The following PBK variants were observed in gnomAD, a reference collection of about 807,000 sequenced individuals.
PBK encodes the protein PDZ binding kinase.
PBK carries 22 observed loss-of-function variants against 33.5 expected under a neutral mutation model. That is an observed-to-expected ratio of 0.66 (90% confidence interval 0.47 to 0.94). The LOEUF is 0.94. Ranked by LOEUF, PBK falls within the 40% of genes least tolerant of loss-of-function variation. The pLI, the probability that PBK is intolerant of heterozygous loss-of-function variation, is 0.00. For missense variants in PBK, 376 were observed against 383.4 expected (o/e 0.98, Z 0.16); for synonymous variants, 129 against 123.8 (o/e 1.04, Z -0.28).
At chr8:27,816,181 G>C (rs923195074) in intron 6 of PBK, among the ~76,000 whole-genome samples, 2 of 151,652 alleles carry the variant, frequency 1.3e-5, no homozygotes, top group Admixed American at 6.6e-5. Flanking sequence ...TGTCTCATTA[G>C]TATTCAAAAG....
In PBK at chr8:27,833,063, CT is replaced by C. The variant is rs1563496427; in HGVS notation, c.50del (p.Lys17ArgfsTer11). The C allele has an allele frequency of 4.4e-6, 7 of 1,578,914 alleles. No individual in the cohort carries two copies. Among genetic ancestry groups the C allele is most frequent in the South Asian group, 1.1e-5 (1 of 87,542 alleles). Reference protein sequence around the residue: ...FKTPSKLSEKKKSVLCSTPTI... With the variant: ...FKTPSKLSEKXKSVLCSTPTI... ...TTACATCTGCTATCTTACCAGATTT[CT>C]TTTTTTCTGATAATTTGCTTGGTGT... On this transcript the variant is annotated frameshift_variant, in exon 2 of 8. Coordinates refer to ENST00000301905, the MANE Select transcript of PBK (RefSeq NM_018492.4). LOFTEE classifies it high-confidence loss of function.
chr8:27,817,504 G>C (rs1290306396), intron 6 of PBK, among the ~76,000 whole-genome samples: 1 of 151,268 alleles, frequency 6.6e-6, no homozygotes, highest in Non-Finnish European at 1.5e-5. Context: ...ATTATTAACT[G>C]TTTTTGTTAC....
chr8:27,837,067 C>CAAA (rs35940996), intron 1 of PBK, among the ~76,000 whole-genome samples: 135 of 151,668 alleles, frequency 8.9e-4, no homozygotes, highest in African/African-American at 2.4e-3. Context: ...AAGATGACAG[C>CAAA]AAAAAAAACA....
intron 3 of PBK, among the ~76,000 whole-genome samples, chr8:27,827,279 G>A (rs1806043637): frequency 6.6e-6 from 1 of 152,216 alleles, no homozygotes; most frequent in African/African-American, 2.4e-5. Flanking sequence ...TGGGCATGGT[G>A]GCTTACACCT....
At chr8:27,821,450 T>C (rs9650403) in intron 5 of PBK, among the ~76,000 whole-genome samples, 23,882 of 151,838 alleles carry the variant, frequency 0.16, 2,386 homozygotes, top group East Asian at 0.37. Context: ...TTAGTAGAGA[T>C]GGGGTTTCAC....
At position 27,811,010 on chromosome 8, in the gene PBK, C is replaced by T. The variant is rs770864767; in HGVS notation, c.720G>A (p.Met240Ile). Residue 240 changes from methionine (M) to isoleucine (I), a missense_variant, in exon 7 of 8, where the codon ATG (methionine) becomes ATA (isoleucine). By Grantham distance (10) the Met-to-Ile change is conservative (BLOSUM62 1). Coordinates refer to ENST00000301905, the MANE Select transcript of PBK (RefSeq NM_018492.4). ...TAATGTGTGGAATCGATAAAGTCAT[C>T]ATTTCCCACAAAGTAAGGCCAAAGG... ...IFAFGLTLWE[M>I]MTLSIPHINL... 1.2e-6 allele frequency: 2 copies of T among 1,612,516 alleles called. No homozygotes were observed. The highest frequency in any genetic ancestry group is 2.7e-5 in the African/African-American group (2 of 74,898).
chr8:27,826,382 AAAT>A (rs1403741717), intron 3 of PBK, among the ~76,000 whole-genome samples: 5 of 152,212 alleles, frequency 3.3e-5, no homozygotes, highest in Non-Finnish European at 1.5e-5. Flanking sequence ...GTAAATCAAG[AAAT>A]AATAAGACAC....
intron 6 of PBK, among the ~76,000 whole-genome samples, chr8:27,811,638 C>T (rs1232051888): frequency 6.6e-6 from 1 of 152,204 alleles, no homozygotes; most frequent in Non-Finnish European, 1.5e-5. Flanking sequence ...GGTCCACTCA[C>T]ATTTCCATTT....
At chr8:27,824,140 A>G (rs1174384775) in intron 3 of PBK, among the ~76,000 whole-genome samples, 1 of 152,170 alleles carries the variant, frequency 6.6e-6, no homozygotes, top group East Asian at 1.9e-4. Flanking sequence ...ATCATCCGTA[A>G]GTTGATCTAA....
intron 1 of PBK, among the ~76,000 whole-genome samples, 169 bp downstream of exon 1, chr8:27,837,483 G>A (rs188118327): frequency 2.6e-5 from 4 of 152,286 alleles, no homozygotes; most frequent in Admixed American, 2.0e-4. Context: ...AGCAGGGTTC[G>A]GGGGTGGAGG....
At chr8:27,828,744 CAAAAAAAAAAAAA>C (rs34388320) in intron 2 of PBK, among the ~76,000 whole-genome samples, 3 of 82,606 alleles carry the variant, frequency 3.6e-5, no homozygotes, top group Non-Finnish European at 6.8e-5. Flanking sequence ...GACACAGTCT[CAAAAAAAAAAAAA>C]AAAAAAAAAA....
chr8:27,832,800 C>G (rs1358957978), intron 2 of PBK, among the ~76,000 whole-genome samples: 1 of 152,144 alleles, frequency 6.6e-6, no homozygotes, highest in Non-Finnish European at 1.5e-5. Flanking sequence ...TAAAGCAGTT[C>G]CTTAATGGGT....
At position 27,828,075 on chromosome 8, in the gene PBK, A is replaced by G. The variant is rs767148530; in HGVS notation, c.152+30T>C. On this transcript the variant is annotated intron_variant, in intron 3 of 7. Transcript: ENST00000301905. ...GTACAGTAGAATTATAGTTGCATGAAAAAAGGTTAATCTGAAATCTTATAC... is the reference window on the plus strand; with the variant it reads ...GTACAGTAGAATTATAGTTGCATGAGAAAAGGTTAATCTGAAATCTTATAC... The G allele has an allele frequency of 4.9e-6, 5 of 1,028,474 alleles. 1 individual carries two copies. The South Asian group carries it at 5.3e-5, about 11-fold the overall frequency. 63.7% of individuals were successfully genotyped at this position (1,028,474 alleles called of 1,614,324 possible).
intron 6 of PBK, among the ~76,000 whole-genome samples, chr8:27,814,860 C>G (rs574253166): frequency 3.4e-4 from 51 of 152,114 alleles, no homozygotes; most frequent in Non-Finnish European, 6.3e-4. Context: ...AACAAATATA[C>G]TCTATGATTC....
At chr8:27,825,500 G>A (rs904946307) in intron 3 of PBK, among the ~76,000 whole-genome samples, 1 of 152,088 alleles carries the variant, frequency 6.6e-6, no homozygotes, top group African/African-American at 2.4e-5. Context: ...GTACCAACTG[G>A]CAGCTGCCCA....
Position 27,811,005 on chromosome 8 carries a change from GTCA to G in PBK, c.722_724del (p.Met241del). 6.2e-7 allele frequency: 1 copy of G among 1,611,830 alleles called. No homozygotes were observed. On this transcript the variant is annotated inframe_deletion, in exon 7 of 8. Coordinates refer to ENST00000301905, the MANE Select transcript of PBK (RefSeq NM_018492.4). ...AAGATTAATGTGTGGAATCGATAAA[GTCA>G]TCATTTCCCACAAAGTAAGGCCAAA...
At chr8:27,835,603 G>T (rs915801972) in intron 1 of PBK, among the ~76,000 whole-genome samples, 1 of 151,736 alleles carries the variant, frequency 6.6e-6, no homozygotes, top group African/African-American at 2.4e-5. Context: ...CCAGGCTGGG[G>T]TGCAATGGTG....
At chr8:27,820,737 A>T in intron 5 of PBK, 43 bp from the exon 6 acceptor site, 1 of 1,157,944 alleles carries the variant, frequency 8.6e-7, no homozygotes, top group Non-Finnish European at 1.2e-6. Flanking sequence ...AGAAACACAA[A>T]CTAATAAAAA....
In PBK at chr8:27,828,117, T is replaced by A. The variant is rs1465219623; in HGVS notation, c.140A>T (p.Tyr47Phe). 2.0e-6 allele frequency: 3 copies of A among 1,505,060 alleles called. No homozygotes were observed. Among genetic ancestry groups the A allele is most frequent in the African/African-American group, 2.7e-5 (2 of 72,730 alleles). 93.2% of individuals were successfully genotyped at this position (1,505,060 alleles called of 1,614,324 possible). ...ATCTTATACTTACCTTTTCATTAGG[T>A]ACACATTTACCCCAGTACCAAAGCC... ...KLGFGTGVNV[Y>F]LMKRSPRGLS... The change falls in exon 3 of 8, where the codon TAC (tyrosine) becomes TTC (phenylalanine). Residue 47 changes from tyrosine to phenylalanine, a missense_variant. Coordinates refer to ENST00000301905, the MANE Select transcript of PBK (RefSeq NM_018492.4).
Sources: allele counts gnomAD v4.1 joint callset (sites outside exome capture counted in the v4.1 genomes callset), GRCh38; gene constraint gnomAD v4.1.1; transcripts MANE v1.5; gene names NCBI Gene and HGNC (gene_info 2026-07-23, HGNC 2026-07-21).